The following SLC5A1 variants were observed in gnomAD, a reference collection of about 807,000 sequenced individuals.
SLC5A1 encodes sodium/glucose cotransporter 1.
A neutral mutation model predicts 73.5 loss-of-function variants in SLC5A1; 42 were observed. That is an observed-to-expected ratio of 0.57 (90% CI 0.45 to 0.74). The LOEUF (loss-of-function observed/expected upper bound fraction) is 0.74, where lower values mean the gene tolerates loss of function less well. SLC5A1 is among the 30% of genes least tolerant of loss of function. The pLI, the probability that SLC5A1 is intolerant of heterozygous loss-of-function variation, is 0.00. For synonymous variants in SLC5A1, 300 were observed against 317.4 expected (o/e 0.95, Z 0.58); for missense variants, 634 against 855.4 (o/e 0.74, Z 3.23).
intron 2 of SLC5A1, among the ~76,000 whole-genome samples, chr22:32,066,101 C>A (rs771704182): frequency 6.6e-6 from 1 of 152,094 alleles, no homozygotes; most frequent in African/African-American, 2.4e-5. Context: ...GTGCAAGATC[C>A]CTCTCTTGCT....
chr22:32,076,498 G>C (rs899399343), intron 5 of SLC5A1, among the ~76,000 whole-genome samples: 1 of 152,212 alleles, frequency 6.6e-6, no homozygotes, highest in Non-Finnish European at 1.5e-5. Flanking sequence ...TCCTAGGGCT[G>C]TTATCACAGA....
chr22:32,047,195 GAAT>G (rs2093938318), intron 1 of SLC5A1, among the ~76,000 whole-genome samples: 1 of 152,126 alleles, frequency 6.6e-6, no homozygotes, highest in Non-Finnish European at 1.5e-5. Flanking sequence ...CTTGAAGGAT[GAAT>G]AGGTAGGATC....
chr22:32,060,014 TACACACACACACACACACAC>T (rs58053068), intron 2 of SLC5A1, among the ~76,000 whole-genome samples: 1 of 137,604 alleles, frequency 7.3e-6, no homozygotes, highest in Non-Finnish European at 1.6e-5. Context: ...GCCATGGTTA[TACACACACACACACACACAC>T]ACACACACAC....
intron 12 of SLC5A1, among the ~76,000 whole-genome samples, chr22:32,101,134 T>C (rs1168138853): frequency 6.6e-6 from 1 of 152,124 alleles, no homozygotes; most frequent in Non-Finnish European, 1.5e-5. Flanking sequence ...AGCTGATAAT[T>C]TGGAATAGAA....
In SLC5A1 at chr22:32,104,900, T is replaced by C. The variant is rs995612487; in HGVS notation, c.1771+9T>C. ...GGAGACCATTGAAATAGGTGACTTA[T>C]GACCCAGAGCAGATCCTAAACCATA... On this transcript the variant is annotated intron_variant, in intron 14 of 14. Transcript: ENST00000266088. 3.2e-6 allele frequency: 5 copies of C among 1,583,064 alleles called. No homozygotes were observed. Among genetic ancestry groups the C allele is most frequent in the Admixed American group, 3.3e-5 (2 of 59,958 alleles).
chr22:32,088,500 C>T (rs555120661), intron 10 of SLC5A1, among the ~76,000 whole-genome samples: 1 of 152,152 alleles, frequency 6.6e-6, no homozygotes, highest in South Asian at 2.1e-4. Context: ...CCACGCCCAG[C>T]TAATTTTTTT....
Position 32,104,894 on chromosome 22 carries a change from G to A in SLC5A1, c.1771+3G>A, listed in dbSNP as rs200505551. The A allele has an allele frequency of 2.6e-4, 421 of 1,599,720 alleles. 10 individuals are homozygous for A. The South Asian group carries it at 4.5e-3, about 17-fold the overall frequency. ...CCCTAAGGAGACCATTGAAATAGGT[G>A]ACTTATGACCCAGAGCAGATCCTAA... On this transcript the variant is annotated splice_donor_region_variant and intron_variant, in intron 14 of 14. Coordinates refer to ENST00000266088, the MANE Select transcript of SLC5A1 (RefSeq NM_000343.4).
At chr22:32,045,409 A>G (rs75805646) in intron 1 of SLC5A1, among the ~76,000 whole-genome samples, 6,820 of 152,282 alleles carry the variant, frequency 0.045, 205 homozygotes, top group Non-Finnish European at 0.07. Context: ...CCATTAGACA[A>G]TGCCTCTGGA....
chr22:32,076,287 C>T (rs1239245596), intron 5 of SLC5A1, among the ~76,000 whole-genome samples: 1 of 152,238 alleles, frequency 6.6e-6, no homozygotes, highest in Non-Finnish European at 1.5e-5. Context: ...CTCTGAGACT[C>T]AGAACTGATT....
At chr22:32,080,792 G>C (rs992319632) in intron 5 of SLC5A1, among the ~76,000 whole-genome samples, 4 of 152,122 alleles carry the variant, frequency 2.6e-5, no homozygotes, top group African/African-American at 9.7e-5. Context: ...TCAGGAGTTC[G>C]AGACCAGCCT....
chr22:32,056,419 C>T (rs1002600067), intron 2 of SLC5A1, among the ~76,000 whole-genome samples: 2 of 141,844 alleles, frequency 1.4e-5, no homozygotes, highest in African/African-American at 5.2e-5. Flanking sequence ...TTCAGGCAAA[C>T]AATACATACC....
At chr22:32,094,809 C>G (rs2094023707) in intron 11 of SLC5A1, among the ~76,000 whole-genome samples, 1 of 151,526 alleles carries the variant, frequency 6.6e-6, no homozygotes, top group South Asian at 2.1e-4. Context: ...TTTCATTTAT[C>G]TTTTGTATTT....
At chr22:32,101,952 C>G in intron 12 of SLC5A1, 70 bp from the exon 13 acceptor site, 2 of 1,253,732 alleles carry the variant, frequency 1.6e-6, no homozygotes, top group Non-Finnish European at 2.3e-6. Flanking sequence ...CTATGCCTCT[C>G]CAAAGAATGT....
At chr22:32,093,682 C>A (rs149541004) in intron 11 of SLC5A1, among the ~76,000 whole-genome samples, 150 of 151,920 alleles carry the variant, frequency 9.9e-4, no homozygotes, top group African/African-American at 3.4e-3. Context: ...GATTTGTGTA[C>A]ATTAATTTTG....
chr22:32,094,169 C>G (rs1029789289), intron 11 of SLC5A1, among the ~76,000 whole-genome samples: 13 of 151,926 alleles, frequency 8.6e-5, no homozygotes, highest in African/African-American at 3.1e-4. Context: ...TTAAACCATC[C>G]CTGCATCCCT....
At chr22:32,059,764 T>C (rs539810083) in intron 2 of SLC5A1, among the ~76,000 whole-genome samples, 16 of 152,188 alleles carry the variant, frequency 1.1e-4, no homozygotes, top group Non-Finnish European at 1.8e-4. Flanking sequence ...CTTGAGGAGA[T>C]AAATTGTTTG....
chr22:32,095,591 A>G (rs1368946079), intron 11 of SLC5A1, among the ~76,000 whole-genome samples: 3 of 152,206 alleles, frequency 2.0e-5, no homozygotes, highest in Admixed American at 6.5e-5. Flanking sequence ...TTATCATTAT[A>G]TAATGTTCCT....
In SLC5A1 at chr22:32,066,964, T is replaced by G. The variant is rs751669205; in HGVS notation, c.237T>G (p.Ile79Met). 6.2e-7 allele frequency: 1 copy of G among 1,613,726 alleles called. No individual in the cohort carries two copies. Among genetic ancestry groups the G allele is most frequent in the Non-Finnish European group, 8.5e-7 (1 of 1,179,686 alleles). The change falls in exon 3 of 15, where the codon ATT (isoleucine) becomes ATG (methionine). Residue 79 changes from isoleucine (I) to methionine (M), a missense_variant. This residue lies in a region of SLC5A1 where 422 missense variants were observed against 626.1 expected (regional missense o/e 0.67). Coordinates refer to ENST00000266088, the MANE Select transcript of SLC5A1 (RefSeq NM_000343.4). ...PIGASLFASN[I>M]GSGHFVGLAG... ...GAGCCTCCCTCTTTGCTAGTAACAT[T>G]GGAAGTGGCCACTTTGTGGGGCTGG...
intron 5 of SLC5A1, among the ~76,000 whole-genome samples, chr22:32,078,571 G>A (rs1321439469): frequency 6.6e-6 from 1 of 152,092 alleles, no homozygotes; most frequent in Admixed American, 6.6e-5. Flanking sequence ...TGCCTGGCCT[G>A]TGGTGTTTAT....
Sources: gnomAD v4.1 joint callset for allele counts (sites outside exome capture counted in the v4.1 genomes callset) on GRCh38, gnomAD v4.1.1 for gene constraint, gnomAD v4.1.1 regional missense constraint, MANE v1.5 for transcripts, NCBI Gene and HGNC (gene_info 2026-07-23, HGNC 2026-07-21) for gene names.